The following PATJ variants were observed in gnomAD, a reference collection of about 807,000 sequenced individuals.
PATJ encodes PATJ crumbs cell polarity complex component, also known as inaD-like protein.
A neutral mutation model predicts 224.9 loss-of-function variants in PATJ; 190 were observed. The observed-to-expected ratio is 0.84, with a 90% CI of 0.75 to 0.95. The LOEUF (loss-of-function observed/expected upper bound fraction) is 0.95. Among genes scored for constraint, PATJ ranks in the 40% least tolerant of loss-of-function variants. The probability of loss-of-function intolerance (pLI) is 0.00; values close to 1 mark genes in which losing one functional copy is unlikely to be tolerated. For synonymous variants in PATJ, 769 were observed against 820.3 expected, an observed-to-expected ratio of 0.94 and a Z score of 1.07; for missense variants, 2,121 against 2,270.3, an observed-to-expected ratio of 0.93 and a Z score of 1.34.
Position 61,942,123 on chromosome 1 carries a change from T to C in PATJ, c.3670+14294T>C, listed in dbSNP as rs142039979. On this transcript the variant is annotated intron_variant, in intron 27 of 43. Coordinates refer to ENST00000642238, the MANE Select transcript of PATJ (RefSeq NM_001350145.3). ...AATTCTAAAGGTCAAAGCTGAACTT[T>C]GCAGGATTCCTAGTATTTTTTCTTT... Among the ~76,000 whole-genome samples, 163 of 152,330 alleles carry C rather than the reference T, an allele frequency of 1.1e-3. 1 individual carries two copies. Among genetic ancestry groups the C allele is most frequent in the African/African-American group, 3.7e-3 (155 of 41,582 alleles).
intron 43 of PATJ, among the ~76,000 whole-genome samples, chr1:62,158,160 G>C (rs1669435073): frequency 6.7e-6 from 1 of 149,560 alleles, no homozygotes; most frequent in African/African-American, 2.4e-5. Context: ...TAGCAAGTGA[G>C]TAAAGAGCCA....
At chr1:61,951,025 T>C (rs1471312824) in intron 27 of PATJ, among the ~76,000 whole-genome samples, 3 of 152,138 alleles carry the variant, frequency 2.0e-5, no homozygotes, top group African/African-American at 7.2e-5. Context: ...CACATGCCTG[T>C]AATCCCAGCT....
chr1:62,034,617 A>T (rs1365646670), intron 29 of PATJ, among the ~76,000 whole-genome samples: 1 of 152,142 alleles, frequency 6.6e-6, no homozygotes, highest in Non-Finnish European at 1.5e-5. Flanking sequence ...TCTCTTTAAA[A>T]TAGCAGCTAT....
intron 28 of PATJ, among the ~76,000 whole-genome samples, chr1:62,017,352 T>G (rs1279970806): frequency 6.7e-6 from 1 of 150,152 alleles, no homozygotes; most frequent in African/African-American, 2.5e-5. Flanking sequence ...AGGCAGAGGT[T>G]GCAGTGAGCC....
chr1:62,116,739 CCA>C, intron 36 of PATJ, 60 bp downstream of exon 36: 1 of 1,503,994 alleles, frequency 6.6e-7, no homozygotes, highest in East Asian at 2.3e-5. Context: ...GGGAACTGTT[CCA>C]GTCTAGCTTG....
At chr1:62,033,099 C>T (rs1249911358) in intron 29 of PATJ, among the ~76,000 whole-genome samples, 2 of 152,134 alleles carry the variant, frequency 1.3e-5, no homozygotes, top group African/African-American at 4.8e-5. Context: ...AGGACACAGC[C>T]AAACCATATC....
chr1:61,975,872 G>T (rs1337292167), intron 27 of PATJ, among the ~76,000 whole-genome samples: 1 of 152,016 alleles, frequency 6.6e-6, no homozygotes, highest in Admixed American at 6.5e-5. Flanking sequence ...TGCCTCTAAG[G>T]ATCAGATAAC....
chr1:61,934,148 C>T (rs1227980711), intron 27 of PATJ, among the ~76,000 whole-genome samples: 4 of 148,764 alleles, frequency 2.7e-5, no homozygotes, highest in Admixed American at 6.7e-5. Flanking sequence ...GATGGAGTTT[C>T]GCTCTTGTTG....
chr1:61,976,641 C>T (rs1244863845), intron 27 of PATJ, among the ~76,000 whole-genome samples: 2 of 151,952 alleles, frequency 1.3e-5, no homozygotes, highest in African/African-American at 4.8e-5. Context: ...CTTCTGACCT[C>T]AGGTAATCCA....
At chr1:62,001,873 G>T (rs1645795633) in intron 28 of PATJ, among the ~76,000 whole-genome samples, 1 of 152,150 alleles carries the variant, frequency 6.6e-6, no homozygotes, top group African/African-American at 2.4e-5. Flanking sequence ...GCAGTGGTTT[G>T]TAGTTCTCCT....
At chr1:62,080,251 T>G (rs1305258097) in intron 32 of PATJ, among the ~76,000 whole-genome samples, 1 of 152,218 alleles carries the variant, frequency 6.6e-6, no homozygotes, top group Admixed American at 6.5e-5. Flanking sequence ...GCACATTCTG[T>G]CTTTAAATTC....
chr1:62,024,623 G>A (rs560698489), intron 29 of PATJ, among the ~76,000 whole-genome samples: 34 of 144,994 alleles, frequency 2.3e-4, no homozygotes, highest in African/African-American at 7.8e-4. Context: ...TGGAATTCCT[G>A]TTTCCTTGGG....
At chr1:61,800,752 C>T (rs1020151803) in intron 11 of PATJ, among the ~76,000 whole-genome samples, 1 of 152,046 alleles carries the variant, frequency 6.6e-6, no homozygotes, top group Non-Finnish European at 1.5e-5. Context: ...ACAACAGGCC[C>T]CGGTGTGTGA....
intron 27 of PATJ, among the ~76,000 whole-genome samples, chr1:61,934,469 T>A (rs1676532862): frequency 6.6e-6 from 1 of 152,142 alleles, no homozygotes; most frequent in Admixed American, 6.5e-5. Context: ...ATAATCACAG[T>A]CTCTTGAGTA....
At chr1:61,976,400 T>TTTTG (rs1323625067) in intron 27 of PATJ, among the ~76,000 whole-genome samples, 12 of 151,936 alleles carry the variant, frequency 7.9e-5, no homozygotes, top group African/African-American at 9.7e-5. Flanking sequence ...TGAGGGGTTT[T>TTTTG]TTTGTTTGTT....
chr1:61,908,320 T>C (rs1009346102), intron 24 of PATJ, 52 bp from the exon 25 acceptor site: 27 of 1,203,240 alleles, frequency 2.2e-5, no homozygotes, highest in Non-Finnish European at 3.3e-5. Flanking sequence ...AATTAACCTG[T>C]CCACAATATC....
Position 61,875,351 on chromosome 1 carries a change from A to G in PATJ, c.2944A>G (p.Thr982Ala). ...DLENLNSLAKTSLDLGMIPND... is the reference protein window; with the variant it reads ...DLENLNSLAKASLDLGMIPND... ...GGAAAATCTTAATTCATTAGCAAAA[A>G]CTAGTCTGGATTTAGGTTTGTGACT... The change falls in exon 21 of 44, where the codon ACT becomes GCT. Residue 982 changes from threonine to alanine, a missense_variant. Thr to Ala is a moderately conservative substitution (Grantham distance 58). Transcript: ENST00000642238. 3 of 1,608,994 alleles carry G rather than the reference A, an allele frequency of 1.9e-6. No individual in the cohort carries two copies. Among genetic ancestry groups the G allele is most frequent in the South Asian group, 1.1e-5 (1 of 89,798 alleles).
intron 27 of PATJ, among the ~76,000 whole-genome samples, chr1:61,971,522 G>C (rs557681566): frequency 6.6e-6 from 1 of 152,252 alleles, no homozygotes; most frequent in East Asian, 1.9e-4. Context: ...GCTGAGGTAA[G>C]AAGAGCACTT....
chr1:61,846,869 G>T (rs367929606), intron 17 of PATJ, among the ~76,000 whole-genome samples: 3 of 152,326 alleles, frequency 2.0e-5, no homozygotes, highest in Admixed American at 2.0e-4. Flanking sequence ...AAAGTGCTGG[G>T]ATTACAGGCA....
Sources: gnomAD v4.1 joint callset for allele counts (sites outside exome capture counted in the v4.1 genomes callset) on GRCh38, gnomAD v4.1.1 for gene constraint, MANE v1.5 for transcripts, NCBI Gene and HGNC (gene_info 2026-07-23, HGNC 2026-07-21) for gene names.